Variants in ASIC2 observed in about 807,000 individuals in gnomAD.
The protein encoded by ASIC2 is acid-sensing ion channel 2.
Under a neutral mutation model 57.3 loss-of-function variants are expected in ASIC2, and 25 were observed. That is an observed-to-expected ratio of 0.44 (90% confidence interval 0.32 to 0.61). The LOEUF (loss-of-function observed/expected upper bound fraction) is 0.61, where lower values mean the gene tolerates loss of function less well. Among genes scored for constraint, ASIC2 ranks in the 20% least tolerant of loss-of-function variants. The probability of loss-of-function intolerance (pLI) is 0.06; values close to 1 mark genes in which losing one functional copy is unlikely to be tolerated. For missense variants in ASIC2, 641 were observed against 738.1 expected (o/e 0.87, Z 1.52); for synonymous variants, 319 against 307.5 (o/e 1.04, Z -0.39).
intron 3 of ASIC2, among the ~76,000 whole-genome samples, chr17:33,076,451 G>A (rs2092089485): frequency 6.6e-6 from 1 of 152,162 alleles, no homozygotes; most frequent in Non-Finnish European, 1.5e-5. Context: ...CTTAAAAACT[G>A]CACAATTAAT....
intron 1 of ASIC2, among the ~76,000 whole-genome samples, chr17:33,443,475 G>A (rs906063890): frequency 2.1e-5 from 3 of 139,766 alleles, no homozygotes; most frequent in Non-Finnish European, 4.6e-5. Flanking sequence ...GTGCAGTGGC[G>A]GGATCTCGGC....
chr17:33,390,542 G>T (rs184789286), intron 1 of ASIC2, among the ~76,000 whole-genome samples: 15 of 152,298 alleles, frequency 9.8e-5, no homozygotes, highest in Middle Eastern at 3.4e-3. Flanking sequence ...TTAGTTTGGT[G>T]CCTCTGCCTC....
intron 1 of ASIC2, among the ~76,000 whole-genome samples, chr17:34,040,754 T>C (rs1289561674): frequency 6.6e-6 from 1 of 152,170 alleles, no homozygotes; most frequent in Non-Finnish European, 1.5e-5. Flanking sequence ...ACCTCTCACA[T>C]TTCCAGAATT....
chr17:33,807,517 C>T (rs900806565), intron 1 of ASIC2, among the ~76,000 whole-genome samples: 1 of 152,168 alleles, frequency 6.6e-6, no homozygotes, highest in Non-Finnish European at 1.5e-5. Flanking sequence ...AAAGTGCAGG[C>T]CTACCAGAGG....
rs563440897 is a variant in ASIC2, at chr17:34,035,376, T to A, written c.555+120602A>T. On this transcript the variant is annotated intron_variant, in intron 1 of 9. Transcript: ENST00000359872. ...TCCTTCCTTACACCTTATACAAAAA[T>A]CAATTCAAGATGGATTAAAGACTTA... Among the ~76,000 whole-genome samples the A allele has an allele frequency of 2.8e-5, 4 of 145,414 alleles. No individual in the cohort carries two copies. The South Asian group carries it at 9.0e-4, about 33-fold the overall frequency.
At chr17:34,144,451 CA>C (rs2142138766) in intron 1 of ASIC2, among the ~76,000 whole-genome samples, 1 of 152,210 alleles carries the variant, frequency 6.6e-6, no homozygotes, top group African/African-American at 2.4e-5. Context: ...TATAGATTTC[CA>C]AAAAATCGTC....
chr17:34,033,536 G>A (rs1907718703), intron 1 of ASIC2, among the ~76,000 whole-genome samples: 1 of 152,124 alleles, frequency 6.6e-6, no homozygotes, highest in Non-Finnish European at 1.5e-5. Context: ...GAAGGAAATA[G>A]AGACACAAAA....
chr17:33,444,631 G>GGGCAAGTGT (rs369657837), intron 1 of ASIC2, among the ~76,000 whole-genome samples: 4 of 152,158 alleles, frequency 2.6e-5, no homozygotes, highest in Non-Finnish European at 4.4e-5. Flanking sequence ...TTAGGGTAGT[G>GGGCAAGTGT]TAGGGATAGG....
rs1908164675 is a variant in ASIC2 at position 33,351,242 on chromosome 17, T to G, written c.556-239175A>C. Among the ~76,000 whole-genome samples, 3 of 151,976 alleles carry G rather than the reference T, an allele frequency of 2.0e-5. No individual in the cohort carries two copies. The South Asian group carries it at 6.2e-4, about 32-fold the overall frequency. On this transcript the variant is annotated intron_variant, in intron 1 of 9. Transcript: ENST00000359872. ...GCCCCCCTCCTCCCCTCCTCCTCTC[T>G]GACTGCCCCTCCCTACTTCCAAAGG...
At chr17:33,381,586 ACT>A (rs1371402699) in intron 1 of ASIC2, among the ~76,000 whole-genome samples, 1 of 152,086 alleles carries the variant, frequency 6.6e-6, no homozygotes. Flanking sequence ...GGGCACTGAA[ACT>A]CTCTTTGTGA....
At chr17:33,810,354 A>T (rs773767449) in intron 1 of ASIC2, among the ~76,000 whole-genome samples, 24 of 152,132 alleles carry the variant, frequency 1.6e-4, no homozygotes, top group Non-Finnish European at 2.9e-4. Context: ...TCATTTGGGG[A>T]TCTTTTAAAA....
intron 1 of ASIC2, chr17:33,689,263 G>A (rs1029431308): frequency 6.6e-6 from 1 of 152,152 alleles, no homozygotes; most frequent in Non-Finnish European, 1.5e-5. Flanking sequence ...TAGAGATGAA[G>A]TCTCACTATG....
intron 1 of ASIC2, among the ~76,000 whole-genome samples, chr17:33,476,504 C>CATATATATATATATATATATATAT (rs67811038): frequency 2.4e-5 from 3 of 122,750 alleles, no homozygotes; most frequent in Non-Finnish European, 1.7e-5. Flanking sequence ...TGTGTGTGTG[C>CATATATATATATATATATATATAT]ATATATATAT....
chr17:33,069,100 T>C (rs1441465791), intron 3 of ASIC2, among the ~76,000 whole-genome samples: 2 of 152,254 alleles, frequency 1.3e-5, no homozygotes, highest in Non-Finnish European at 2.9e-5. Context: ...CATCCATGGA[T>C]TATTTAGAAG....
intron 1 of ASIC2, among the ~76,000 whole-genome samples, chr17:33,249,246 G>T (rs943076596): frequency 6.6e-6 from 1 of 152,124 alleles, no homozygotes; most frequent in African/African-American, 2.4e-5. Context: ...GGTTTCGGGA[G>T]TAAGAACAGG....
At position 33,311,533 on chromosome 17, in the gene ASIC2, C is replaced by T. The variant is rs549458162; in HGVS notation, c.556-199466G>A. Among the ~76,000 whole-genome samples the T allele has an allele frequency of 2.6e-5, 4 of 151,986 alleles. No homozygotes were observed. The South Asian group carries it at 8.3e-4, about 32-fold the overall frequency. On this transcript the variant is annotated intron_variant, in intron 1 of 9. Transcript: ENST00000359872. The stretch of plus-strand genomic sequence containing the variant: ...GCCCAGTTTCTTCTGAGCATATATT[C>T]AAATCACAGGTAGGAAACTGCTAAT...
intron 1 of ASIC2, among the ~76,000 whole-genome samples, chr17:33,727,002 G>A (rs776931231): frequency 6.6e-6 from 1 of 152,096 alleles, no homozygotes; most frequent in African/African-American, 2.4e-5. Context: ...ATCATAACAT[G>A]CAAATTTATC....
intron 1 of ASIC2, among the ~76,000 whole-genome samples, chr17:33,781,341 G>A (rs1911447578): frequency 6.6e-6 from 1 of 152,170 alleles, no homozygotes; most frequent in African/African-American, 2.4e-5. Flanking sequence ...TTGCTCAGGT[G>A]TCTGTGTGTG....
intron 1 of ASIC2, among the ~76,000 whole-genome samples, chr17:33,638,478 C>A (rs964148336): frequency 6.6e-6 from 1 of 152,146 alleles, no homozygotes; most frequent in Non-Finnish European, 1.5e-5. Context: ...ATGCTCTGAT[C>A]GATGAGTGTT....
Sources: gnomAD v4.1 joint callset for allele counts (sites outside exome capture counted in the v4.1 genomes callset) on GRCh38, gnomAD v4.1.1 for gene constraint, MANE v1.5 for transcripts, NCBI Gene and HGNC (gene_info 2026-07-23, HGNC 2026-07-21) for gene names.